The following RBFOX1 variants were observed in gnomAD, a reference collection of about 807,000 sequenced individuals.
RBFOX1 encodes RNA binding fox-1 homolog 1, also known as RNA binding protein fox-1 homolog 1.
In RBFOX1, 8 loss-of-function variants were observed where a neutral mutation model predicts 57.7. The ratio of observed to expected loss-of-function variants is 0.14; its 90% CI spans 0.08 to 0.25. The LOEUF (loss-of-function observed/expected upper bound fraction) is 0.25. Among genes scored for constraint, RBFOX1 ranks in the 10% least tolerant of loss-of-function variants. RBFOX1 has a pLI of 1.00. For missense variants in RBFOX1, 611 were observed against 548.5 expected (o/e 1.11, Z -1.14); for synonymous variants, 326 against 222.4 (o/e 1.47, Z -4.15).
chr16:6,683,357 G>A (rs995951232), intron 3 of RBFOX1, among the ~76,000 whole-genome samples: 1 of 151,994 alleles, frequency 6.6e-6, no homozygotes, highest in African/African-American at 2.4e-5. Context: ...AATATTCTTA[G>A]GTGTGATTCA....
At chr16:7,581,089 A>C (rs2093722956) in intron 6 of RBFOX1, among the ~76,000 whole-genome samples, 1 of 152,112 alleles carries the variant, frequency 6.6e-6, no homozygotes, top group African/African-American at 2.4e-5. Flanking sequence ...TTTACTTCTT[A>C]TACACACGTG....
Position 7,312,326 on chromosome 16 carries a change from G to A in RBFOX1, c.28-205821G>A, listed in dbSNP as rs553672777. Reference sequence around the variant, plus strand: ...ACCCAGGAGACAGAGGTAGCAGTGAGCCGAGATCGCGGCGTTGCACTCCAG... The same window carrying A: ...ACCCAGGAGACAGAGGTAGCAGTGAACCGAGATCGCGGCGTTGCACTCCAG... On this transcript the variant is annotated intron_variant, in intron 4 of 15. Transcript: ENST00000550418. Among the ~76,000 whole-genome samples the A allele has an allele frequency of 2.6e-5, 4 of 152,358 alleles. No individual in the cohort carries two copies. In the South Asian group the frequency reaches 8.3e-4, roughly 32 times the overall value.
intron 2 of RBFOX1, among the ~76,000 whole-genome samples, chr16:6,633,765 T>C (rs1444195829): frequency 6.6e-6 from 1 of 152,092 alleles, no homozygotes; most frequent in African/African-American, 2.4e-5. Context: ...TCCTTAGGCT[T>C]TGGGAGGCTG....
At chr16:5,622,598 A>C (rs570416898) in intron 3 of RBFOX1, among the ~76,000 whole-genome samples, 2 of 152,342 alleles carry the variant, frequency 1.3e-5, no homozygotes, top group South Asian at 4.1e-4. Flanking sequence ...AGGGTTGGCA[A>C]ACTTCAGCCC....
intron 4 of RBFOX1, among the ~76,000 whole-genome samples, chr16:7,169,579 C>T (rs1325027494): frequency 2.0e-5 from 3 of 152,276 alleles, no homozygotes; most frequent in African/African-American, 7.2e-5. Context: ...ATTGCATCTT[C>T]AACACATTCC....
At chr16:6,195,960 A>G (rs888908629) in intron 1 of RBFOX1, among the ~76,000 whole-genome samples, 1 of 152,200 alleles carries the variant, frequency 6.6e-6, no homozygotes, top group Non-Finnish European at 1.5e-5. Flanking sequence ...ATTGGGTGGA[A>G]TTTAAATAGA....
intron 2 of RBFOX1, among the ~76,000 whole-genome samples, chr16:5,520,153 A>G (rs1349293459): frequency 6.6e-6 from 1 of 152,190 alleles, no homozygotes; most frequent in Admixed American, 6.5e-5. Context: ...GAGGGGAAAG[A>G]GGAAGAGGCT....
intron 2 of RBFOX1, among the ~76,000 whole-genome samples, chr16:6,395,404 A>G (rs1015483138): frequency 5.9e-5 from 9 of 152,184 alleles, no homozygotes; most frequent in African/African-American, 2.2e-4. Flanking sequence ...AGTTATGGTC[A>G]TGTTATCCCA....
chr16:7,419,971 T>G (rs2098524881), intron 4 of RBFOX1, among the ~76,000 whole-genome samples: 1 of 148,984 alleles, frequency 6.7e-6, no homozygotes. Context: ...AGAATAAGTA[T>G]GGTTTTAGAA....
chr16:6,721,247 A>C (rs1457303886), intron 3 of RBFOX1, among the ~76,000 whole-genome samples: 1 of 152,182 alleles, frequency 6.6e-6, no homozygotes, highest in Non-Finnish European at 1.5e-5. Flanking sequence ...TTTTGAGACC[A>C]GTCTGGCCAA....
chr16:6,655,008 T>G (rs1176063656), intron 3 of RBFOX1, among the ~76,000 whole-genome samples: 1 of 151,774 alleles, frequency 6.6e-6, no homozygotes, highest in East Asian at 1.9e-4. Context: ...ATTATATTAT[T>G]ACTTACATTA....
rs115652946 is a variant in RBFOX1 at position 6,424,555 on chromosome 16, C to T, written c.-64+107498C>T. Among the ~76,000 whole-genome samples, 1,363 of 152,046 alleles carry T rather than the reference C, an allele frequency of 9.0e-3. 24 individuals carry two copies. The highest frequency in any genetic ancestry group is 0.031 in the African/African-American group (1,265 of 41,456). On this transcript the variant is annotated intron_variant, in intron 2 of 15. Coordinates refer to ENST00000550418, the MANE Select transcript of RBFOX1 (RefSeq NM_018723.4). ...CTCACTTTAAAGAATTATCCAACTTCACTTGTTAATAGTGCTGAGGTTGAG... is the reference window on the plus strand; with the variant it reads ...CTCACTTTAAAGAATTATCCAACTTTACTTGTTAATAGTGCTGAGGTTGAG...
intron 3 of RBFOX1, among the ~76,000 whole-genome samples, chr16:5,819,487 C>T (rs2055767538): frequency 6.6e-6 from 1 of 152,204 alleles, no homozygotes; most frequent in South Asian, 2.1e-4. Flanking sequence ...CTCACTGTGC[C>T]ACTTCTATGA....
intron 1 of RBFOX1, among the ~76,000 whole-genome samples, chr16:6,211,049 G>A (rs34469232): frequency 0.017 from 2,531 of 152,078 alleles, 31 homozygotes; most frequent in South Asian, 0.035. Flanking sequence ...AACACACATA[G>A]CACTGGGGCA....
At position 7,013,308 on chromosome 16, in the gene RBFOX1, A is replaced by T. The variant is rs77093470; in HGVS notation, c.-15-38749A>T. Among the ~76,000 whole-genome samples the T allele has an allele frequency of 7.5e-3, 1,138 of 152,298 alleles. 12 individuals are homozygous for T. The highest frequency in any genetic ancestry group is 0.022 in the African/African-American group (934 of 41,574). The stretch of plus-strand genomic sequence containing the variant: ...ATGAAGTAAGGTATGCTAGGAGCTT[A>T]ACTCAGTGTTCTGCTCATGTTATAC... On this transcript the variant is annotated intron_variant, in intron 3 of 15. Transcript: ENST00000550418.
chr16:5,278,604 A>T (rs2063197561), intron 1 of RBFOX1, among the ~76,000 whole-genome samples: 1 of 152,184 alleles, frequency 6.6e-6, no homozygotes, highest in Non-Finnish European at 1.5e-5. Context: ...GAAGGTATTT[A>T]GTTTAATATA....
Position 7,378,308 on chromosome 16 carries a change from C to T in RBFOX1, c.28-139839C>T, listed in dbSNP as rs573306415. ...GGCAAGGGAAACGTAGTGGTGATGA[C>T]GAAGCTTCTATCTTTCAGGGTCTAC... On this transcript the variant is annotated intron_variant, in intron 4 of 15. Coordinates refer to ENST00000550418, the MANE Select transcript of RBFOX1 (RefSeq NM_018723.4). Among the ~76,000 whole-genome samples, 8 of 152,210 alleles carry T rather than the reference C, an allele frequency of 5.3e-5. No homozygotes were observed. In the South Asian group the frequency reaches 1.2e-3, roughly 24 times the overall value.
chr16:6,045,579 A>G (rs2095486925), intron 1 of RBFOX1, among the ~76,000 whole-genome samples: 1 of 152,222 alleles, frequency 6.6e-6, no homozygotes, highest in Admixed American at 6.5e-5. Context: ...GACACCAGGC[A>G]TCTTTTCGGT....
At chr16:7,246,393 C>G (rs147567673) in intron 4 of RBFOX1, among the ~76,000 whole-genome samples, 127 of 152,218 alleles carry the variant, frequency 8.3e-4, no homozygotes, top group Middle Eastern at 3.4e-3. Flanking sequence ...AAGTGATAAC[C>G]CGAATGTTTT....
Sources: allele counts gnomAD v4.1 joint callset (sites outside exome capture counted in the v4.1 genomes callset), GRCh38; gene constraint gnomAD v4.1.1; transcripts MANE v1.5; gene names NCBI Gene and HGNC (gene_info 2026-07-23, HGNC 2026-07-21).